TMEM131L: variants seen among roughly 807,000 people sequenced by gnomAD.
TMEM131L encodes transmembrane 131 like.
TMEM131L carries 54 observed loss-of-function variants against 192.2 expected under a neutral mutation model. That is an observed-to-expected ratio of 0.28 (90% CI 0.23 to 0.35). The LOEUF (loss-of-function observed/expected upper bound fraction) is 0.35, where lower values mean the gene tolerates loss of function less well. Among genes scored for constraint, TMEM131L ranks in the 10% least tolerant of loss-of-function variants. TMEM131L has a pLI of 1.00. For synonymous variants in TMEM131L, 701 were observed against 704.9 expected (o/e 0.99, Z 0.09); for missense variants, 1,888 against 1,972.9 (o/e 0.96, Z 0.82).
chr4:153,609,122 A>G (rs1050278179), intron 25 of TMEM131L, among the ~76,000 whole-genome samples: 5 of 152,244 alleles, frequency 3.3e-5, no homozygotes, highest in African/African-American at 1.2e-4. Context: ...TTTCACTGCC[A>G]TAAAGAAATA....
intron 16 of TMEM131L, among the ~76,000 whole-genome samples, chr4:153,589,266 T>A (rs2150815952): frequency 6.6e-6 from 1 of 152,344 alleles, no homozygotes; most frequent in African/African-American, 2.4e-5. Context: ...CTTTCACCTT[T>A]TTGGGTAAAA....
At position 153,497,878 on chromosome 4, in the gene TMEM131L, C is replaced by CAAA. The variant is rs200874155; in HGVS notation, c.239+24009_239+24011dup. ...TTTTCTTTTTGTTATGAAAAATTTC[C>CAAA]AAAAAAAAAAAAAAAAAAAAAGAAA... On this transcript the variant is annotated intron_variant, in intron 3 of 34. Transcript: ENST00000409959. Among the ~76,000 whole-genome samples, 232 of 70,318 alleles carry CAAA rather than the reference C, an allele frequency of 3.3e-3. 1 individual carries two copies. Among genetic ancestry groups the CAAA allele is most frequent in the African/African-American group, 9.3e-3 (188 of 20,140 alleles). The allele number at this position is 70,318 out of a possible 152,430, so 46.1% of individuals were successfully genotyped here.
chr4:153,595,103 A>G (rs373180932), intron 19 of TMEM131L, among the ~76,000 whole-genome samples: 2 of 152,306 alleles, frequency 1.3e-5, no homozygotes, highest in South Asian at 4.1e-4. Flanking sequence ...TACTATTGTT[A>G]ATTTATTACA....
chr4:153,554,214 C>T (rs1375171712), intron 4 of TMEM131L: 28 of 152,180 alleles, frequency 1.8e-4, no homozygotes, highest in Admixed American at 1.8e-3. Flanking sequence ...AAGGCAGATA[C>T]AAGCCCACTG....
chr4:153,614,560 A>T (rs894457096), intron 26 of TMEM131L, among the ~76,000 whole-genome samples: 1 of 152,090 alleles, frequency 6.6e-6, no homozygotes, highest in South Asian at 2.1e-4. Flanking sequence ...ATTGAAAGCA[A>T]CCTGTGGACT....
intron 3 of TMEM131L, among the ~76,000 whole-genome samples, chr4:153,488,411 G>A (rs905423312): frequency 2.6e-5 from 4 of 152,320 alleles, no homozygotes; most frequent in African/African-American, 9.6e-5. Context: ...CCTGTGGGAG[G>A]AGTGGGGACC....
rs556456243 is a variant in TMEM131L, at chr4:153,522,923, T to C, written c.240-27150T>C. On this transcript the variant is annotated intron_variant, in intron 3 of 34. Coordinates refer to ENST00000409959, the MANE Select transcript of TMEM131L (RefSeq NM_001131007.2). The stretch of plus-strand genomic sequence containing the variant: ...CCCTGCCTTGAGTTACACTGGGTGA[T>C]CTAGACCAGGCAGAGGAAATCCCCA... 2.1e-3 allele frequency among the ~76,000 whole-genome samples: 313 copies of C among 152,286 alleles called. 1 individual carries two copies. Among genetic ancestry groups the C allele is most frequent in the African/African-American group, 7.1e-3 (296 of 41,560 alleles).
chr4:153,503,306 G>A (rs994120967), intron 3 of TMEM131L, among the ~76,000 whole-genome samples: 2 of 152,042 alleles, frequency 1.3e-5, no homozygotes, highest in Non-Finnish European at 2.9e-5. Flanking sequence ...CTTTCTCTGG[G>A]AGCATAACAT....
chr4:153,470,823 C>T (rs1489972267), intron 2 of TMEM131L, among the ~76,000 whole-genome samples: 2 of 152,224 alleles, frequency 1.3e-5, no homozygotes, highest in Non-Finnish European at 2.9e-5. Context: ...CCACTCCAGC[C>T]CCACCCTTGG....
At chr4:153,494,943 A>G (rs2149926428) in intron 3 of TMEM131L, among the ~76,000 whole-genome samples, 1 of 152,282 alleles carries the variant, frequency 6.6e-6, no homozygotes, top group South Asian at 2.1e-4. Context: ...GAAGTGTGAG[A>G]GGGGTCTGGG....
At chr4:153,616,290 C>T (rs1397699395) in intron 26 of TMEM131L, among the ~76,000 whole-genome samples, 2 of 152,186 alleles carry the variant, frequency 1.3e-5, no homozygotes, top group Non-Finnish European at 2.9e-5. Context: ...GTCTCTGTGA[C>T]TCACTCCTTG....
At chr4:153,528,517 G>A (rs181016694) in intron 3 of TMEM131L, among the ~76,000 whole-genome samples, 8 of 152,318 alleles carry the variant, frequency 5.3e-5, no homozygotes, top group Admixed American at 1.3e-4. Context: ...GTAAGAAAAA[G>A]TGTAAGTTCA....
At chr4:153,549,524 A>G (rs1220287580) in intron 3 of TMEM131L, among the ~76,000 whole-genome samples, 1 of 152,072 alleles carries the variant, frequency 6.6e-6, no homozygotes, top group Admixed American at 6.6e-5. Flanking sequence ...TGCTATATTG[A>G]TTTGTGCCTT....
Position 153,636,677 on chromosome 4 carries a change from G to T in TMEM131L, c.*101G>T. On this transcript the variant is annotated 3_prime_UTR_variant, in exon 35 of 35. Coordinates refer to ENST00000409959, the MANE Select transcript of TMEM131L (RefSeq NM_001131007.2). ...AGATTATGACATTGGTGGATATTTT[G>T]GCACTTTTATATGAAAATAAATTTT... is the stretch of plus-strand genomic sequence containing the variant. 1 of 1,218,062 alleles carries T rather than the reference G, an allele frequency of 8.2e-7. No individual in the cohort carries two copies. Among genetic ancestry groups the T allele is most frequent in the Non-Finnish European group, 1.1e-6 (1 of 879,610 alleles). The allele number at this position is 1,218,062 out of a possible 1,614,324, so 75.5% of individuals were successfully genotyped here. A position where few individuals can be genotyped will look rare whatever the true frequency, so the allele number is the denominator to read the frequency against.
intron 4 of TMEM131L, among the ~76,000 whole-genome samples, chr4:153,553,133 C>T (rs1473944381): frequency 7.9e-5 from 12 of 152,056 alleles, no homozygotes; most frequent in Admixed American, 5.9e-4. Context: ...ATGGAATCAC[C>T]TTTGGAGGAC....
At chr4:153,546,357 C>G (rs1737175688) in intron 3 of TMEM131L, among the ~76,000 whole-genome samples, 1 of 151,790 alleles carries the variant, frequency 6.6e-6, no homozygotes, top group South Asian at 2.1e-4. Flanking sequence ...GTAAAAGAGG[C>G]CAGGTGGTCT....
At chr4:153,493,942 G>A (rs1732979108) in intron 3 of TMEM131L, among the ~76,000 whole-genome samples, 1 of 152,126 alleles carries the variant, frequency 6.6e-6, no homozygotes, top group Non-Finnish European at 1.5e-5. Context: ...ACAGTGATAA[G>A]GTTTCCTGAT....
At chr4:153,581,090 A>G (rs1434443977) in intron 8 of TMEM131L, among the ~76,000 whole-genome samples, 187 bp downstream of exon 8, 1 of 152,164 alleles carries the variant, frequency 6.6e-6, no homozygotes, top group East Asian at 1.9e-4. Context: ...CGTCTCTACT[A>G]AAAATACAAA....
chr4:153,483,279 A>G (rs892477656), intron 3 of TMEM131L, among the ~76,000 whole-genome samples: 2 of 152,382 alleles, frequency 1.3e-5, no homozygotes, highest in African/African-American at 4.8e-5. Context: ...GCTTCATTCC[A>G]TATGCCACTC....
Sources: gnomAD v4.1 joint callset for allele counts (sites outside exome capture counted in the v4.1 genomes callset) on GRCh38, gnomAD v4.1.1 for gene constraint, MANE v1.5 for transcripts, NCBI Gene and HGNC (gene_info 2026-07-23, HGNC 2026-07-21) for gene names.